The following NR3C2 variants were observed in gnomAD, a reference collection of about 807,000 sequenced individuals.
NR3C2 encodes nuclear receptor subfamily 3 group C member 2.
Under a neutral mutation model 86.4 loss-of-function variants are expected in NR3C2, and 15 were observed. The observed-to-expected ratio is 0.17, with a 90% confidence interval of 0.12 to 0.27. NR3C2 has a LOEUF of 0.27. NR3C2 is among the 10% of genes least tolerant of loss of function. The probability of loss-of-function intolerance (pLI) is 1.00; values close to 1 mark genes in which losing one functional copy is unlikely to be tolerated. For synonymous variants in NR3C2, 458 were observed against 450.5 expected (o/e 1.02, Z -0.21); for missense variants, 960 against 1,195.6 (o/e 0.80, Z 2.91).
chr4:148,097,534 C>T (rs530931742), intron 8 of NR3C2, among the ~76,000 whole-genome samples: 50 of 152,262 alleles, frequency 3.3e-4, no homozygotes, highest in African/African-American at 1.2e-3. Flanking sequence ...CCACTTCCTA[C>T]TTGCTAAAAG....
chr4:148,399,738 C>T (rs1199206486), intron 2 of NR3C2, among the ~76,000 whole-genome samples: 1 of 151,790 alleles, frequency 6.6e-6, no homozygotes, highest in African/African-American at 2.4e-5. Flanking sequence ...TCACCAATCA[C>T]AGATATTAAT....
intron 3 of NR3C2, among the ~76,000 whole-genome samples, chr4:148,212,154 A>T (rs956601732): frequency 6.6e-6 from 1 of 152,238 alleles, no homozygotes; most frequent in Non-Finnish European, 1.5e-5. Context: ...GCACTGCATT[A>T]TCTTAATTAA....
chr4:148,412,845 CT>C (rs1409390924), intron 2 of NR3C2, among the ~76,000 whole-genome samples: 1 of 140,456 alleles, frequency 7.1e-6, no homozygotes, highest in South Asian at 2.2e-4. Context: ...ACACACACCC[CT>C]TAGTTATGCT....
chr4:148,427,480 G>T (rs151000095), intron 2 of NR3C2, among the ~76,000 whole-genome samples: 2 of 151,872 alleles, frequency 1.3e-5, no homozygotes, highest in Non-Finnish European at 2.9e-5. Flanking sequence ...CAAGCCCAAG[G>T]GTGGCTCAGA....
intron 2 of NR3C2, among the ~76,000 whole-genome samples, chr4:148,389,626 T>C: frequency 6.6e-6 from 1 of 152,122 alleles, no homozygotes; most frequent in East Asian, 1.9e-4. Context: ...TAAAAGAAGG[T>C]GCCAGTTTAA....
chr4:148,373,476 TTTTC>T (rs1369311813), intron 2 of NR3C2, among the ~76,000 whole-genome samples: 8 of 134,318 alleles, frequency 6.0e-5, no homozygotes, highest in African/African-American at 2.2e-4. Flanking sequence ...ATGACTTTTT[TTTTC>T]TTTTTTTTTT....
chr4:148,434,957 T>C, intron 2 of NR3C2, 147 bp downstream of exon 2: 1 of 745,714 alleles, frequency 1.3e-6, no homozygotes, highest in South Asian at 1.7e-5. Context: ...AAAATAACAT[T>C]ATATCAACAT....
intron 8 of NR3C2, among the ~76,000 whole-genome samples, chr4:148,088,054 A>C (rs1347629282): frequency 1.3e-5 from 2 of 152,262 alleles, no homozygotes; most frequent in African/African-American, 4.8e-5. Context: ...GGCAAAGGAT[A>C]TGAAGAGACT....
At position 148,154,077 on chromosome 4, in the gene NR3C2, C is replaced by T. The variant is rs999025502; in HGVS notation, c.2365+474G>A. Among the ~76,000 whole-genome samples, 5 of 149,516 alleles carry T rather than the reference C, an allele frequency of 3.3e-5. 1 individual carries two copies. The highest frequency in any genetic ancestry group is 7.4e-5 in the Non-Finnish European group (5 of 67,470). ...AGGCTGGAGTATAGTGGTGGGATCT[C>T]GGCTCACTGCAGCCTCTGCCGCCCA... On this transcript the variant is annotated intron_variant, in intron 5 of 8. Coordinates refer to ENST00000358102, the MANE Select transcript of NR3C2 (RefSeq NM_000901.5).
intron 2 of NR3C2, among the ~76,000 whole-genome samples, chr4:148,317,021 G>C (rs1743223057): frequency 6.6e-6 from 1 of 152,054 alleles, no homozygotes; most frequent in African/African-American, 2.4e-5. Context: ...TCAAACTCCT[G>C]GGCTCAAGCG....
At chr4:148,238,205 A>G (rs1228122714) in intron 3 of NR3C2, among the ~76,000 whole-genome samples, 1 of 152,180 alleles carries the variant, frequency 6.6e-6, no homozygotes, top group Non-Finnish European at 1.5e-5. Context: ...ATGACACTCA[A>G]ATTTATCTAT....
At chr4:148,220,644 A>G (rs966559939) in intron 3 of NR3C2, among the ~76,000 whole-genome samples, 3 of 152,138 alleles carry the variant, frequency 2.0e-5, no homozygotes, top group Admixed American at 1.3e-4. Flanking sequence ...TGTCTCTACA[A>G]TTAAAAATTA....
chr4:148,346,766 T>C (rs1401926215), intron 2 of NR3C2, among the ~76,000 whole-genome samples: 1 of 152,138 alleles, frequency 6.6e-6, no homozygotes, highest in Non-Finnish European at 1.5e-5. Context: ...TAGAAATTAA[T>C]TTCTTCAGTT....
chr4:148,088,876 C>T (rs1051742293), intron 8 of NR3C2, among the ~76,000 whole-genome samples: 1 of 152,104 alleles, frequency 6.6e-6, no homozygotes, highest in African/African-American at 2.4e-5. Flanking sequence ...CACTGCTATT[C>T]CATTTACTAG....
intron 2 of NR3C2, among the ~76,000 whole-genome samples, chr4:148,291,524 C>T (rs1741794218): frequency 6.6e-6 from 1 of 151,996 alleles, no homozygotes; most frequent in South Asian, 2.1e-4. Context: ...TGTTACTGAA[C>T]ATTAGTCAAT....
rs1264201808 is a variant in NR3C2, at chr4:148,413,474, G to A, written c.1757+21630C>T. ...GGATATAAAGCACAAACCTTAAGCA[G>A]TAAAAATTGAAATTTTGATGACATC... On this transcript the variant is annotated intron_variant, in intron 2 of 8. Transcript: ENST00000358102. Among the ~76,000 whole-genome samples the A allele has an allele frequency of 2.6e-5, 4 of 152,034 alleles. 1 individual carries two copies. In the East Asian group the frequency reaches 7.8e-4, roughly 29 times the overall value.
chr4:148,141,001 G>C (rs946336520), intron 6 of NR3C2, among the ~76,000 whole-genome samples: 1 of 151,954 alleles, frequency 6.6e-6, no homozygotes, highest in Non-Finnish European at 1.5e-5. Flanking sequence ...CTGCAAAACT[G>C]AATCTTTTTC....
At chr4:148,292,179 A>G (rs1741828950) in intron 2 of NR3C2, among the ~76,000 whole-genome samples, 1 of 151,102 alleles carries the variant, frequency 6.6e-6, no homozygotes, top group African/African-American at 2.4e-5. Flanking sequence ...ATGTTTCCAA[A>G]TTTTTCTTCT....
In NR3C2 at chr4:148,269,203, G is replaced by A. The variant is rs926528182; in HGVS notation, c.1758-9086C>T. On this transcript the variant is annotated intron_variant, in intron 2 of 8. Coordinates refer to ENST00000358102, the MANE Select transcript of NR3C2 (RefSeq NM_000901.5). The stretch of plus-strand genomic sequence containing the variant: ...TTGCTAACAAACCTGAGGAAGAAAA[G>A]TCCAAGTGGGGGAGCAAGATAAGGC... Among the ~76,000 whole-genome samples, 3 of 152,224 alleles carry A rather than the reference G, an allele frequency of 2.0e-5. No homozygotes were observed. The South Asian group carries it at 6.2e-4, about 32-fold the overall frequency.
Sources: allele counts gnomAD v4.1 joint callset (sites outside exome capture counted in the v4.1 genomes callset), GRCh38; gene constraint gnomAD v4.1.1; transcripts MANE v1.5; gene names NCBI Gene and HGNC (gene_info 2026-07-23, HGNC 2026-07-21).